The following SULT1C3 variants were observed in gnomAD, a reference collection of about 807,000 sequenced individuals.
SULT1C3 encodes sulfotransferase 1C3.
SULT1C3 carries 31 observed loss-of-function variants against 28.4 expected under a neutral mutation model. That is an observed-to-expected ratio of 1.09 (90% confidence interval 0.82 to 1.47). The LOEUF (loss-of-function observed/expected upper bound fraction) is 1.47, where lower values mean the gene tolerates loss of function less well. Among genes scored for constraint, SULT1C3 ranks in the 40% most tolerant of loss-of-function variants. SULT1C3 has a pLI of 0.00. For missense variants in SULT1C3, 307 were observed against 272.5 expected, an observed-to-expected ratio of 1.13 and a Z score of -0.89; for synonymous variants, 106 against 92.2, an observed-to-expected ratio of 1.15 and a Z score of -0.86.
rs1255351622 is a variant in SULT1C3 at position 108,252,372 on chromosome 2, A to G, written c.180A>G (p.Thr60=). 34 of 1,609,474 alleles carry G rather than the reference A, an allele frequency of 2.1e-5. No individual in the cohort carries two copies. In the East Asian group the frequency reaches 7.4e-4, roughly 35 times the overall value. The change falls in exon 3 of 8, where the codon ACA becomes ACG. Residue 60 remains threonine, a synonymous_variant. Coordinates refer to ENST00000681802, the MANE Select transcript of SULT1C3 (RefSeq NM_001320878.2). The stretch of plus-strand genomic sequence containing the variant: ...TATTTCAAATATTTTCAGGTACAAC[A>G]TGGATGCATGAAATTTTAGACATGA... ...ILATYPKSGT[T]WMHEILDMIL... is the part of the protein sequence containing the mutation.
At chr2:108,240,429 C>T (rs1310573688) in intron 1 of SULT1C3, among the ~76,000 whole-genome samples, 2 of 152,148 alleles carry the variant, frequency 1.3e-5, no homozygotes, top group Admixed American at 6.5e-5. Flanking sequence ...TAGCAATTCC[C>T]ATAAGTGTGG....
chr2:108,249,203 C>T (rs1160317759), intron 2 of SULT1C3, among the ~76,000 whole-genome samples: 2 of 151,880 alleles, frequency 1.3e-5, no homozygotes, highest in Non-Finnish European at 1.5e-5. Flanking sequence ...AAACTATGAC[C>T]GAATATTCAG....
In SULT1C3 at chr2:108,257,911, A is replaced by G. The variant is rs188316100; in HGVS notation, c.527-823A>G. Among the ~76,000 whole-genome samples, 68 of 152,188 alleles carry G rather than the reference A, an allele frequency of 4.5e-4. 4 individuals carry two copies. The East Asian group carries it at 6.4e-3, about 14-fold the overall frequency. On this transcript the variant is annotated intron_variant, in intron 5 of 7. Coordinates refer to ENST00000681802, the MANE Select transcript of SULT1C3 (RefSeq NM_001320878.2). Reference sequence around the variant, plus strand: ...CTGGCTGACACAGATACCAGTCACCATGACACATGCCAAAGTTCAAGTCAC... The same window carrying G: ...CTGGCTGACACAGATACCAGTCACCGTGACACATGCCAAAGTTCAAGTCAC...
chr2:108,241,019 G>T (rs1353085737), intron 1 of SULT1C3, among the ~76,000 whole-genome samples: 2 of 152,210 alleles, frequency 1.3e-5, no homozygotes, highest in Admixed American at 6.5e-5. Flanking sequence ...TATCCTCCAT[G>T]AGTTGTGTGA....
chr2:108,244,882 G>A (rs143910388), intron 1 of SULT1C3, among the ~76,000 whole-genome samples: 101 of 152,128 alleles, frequency 6.6e-4, no homozygotes, highest in Middle Eastern at 3.4e-3. Flanking sequence ...ACTTGCAAAG[G>A]TCTAGTACAA....
At chr2:108,246,495 T>C (rs1675580152) in intron 1 of SULT1C3, among the ~76,000 whole-genome samples, 1 of 152,068 alleles carries the variant, frequency 6.6e-6, no homozygotes, top group Non-Finnish European at 1.5e-5. Flanking sequence ...CTCCCCCTTA[T>C]AATGGGTGGG....
Position 108,247,161 on chromosome 2 carries a change from A to C in SULT1C3, c.-7-27A>C, listed in dbSNP as rs769768045. ...ATAAAACAACATTTTTAAAAATTTTAATTAGTATTGATCTTACCCATCCCA... is the reference window on the plus strand; with the variant it reads ...ATAAAACAACATTTTTAAAAATTTTCATTAGTATTGATCTTACCCATCCCA... On this transcript the variant is annotated intron_variant, in intron 1 of 7. Coordinates refer to ENST00000681802, the MANE Select transcript of SULT1C3 (RefSeq NM_001320878.2). The C allele has an allele frequency of 2.1e-6, 3 of 1,401,920 alleles. No individual in the cohort carries two copies. The South Asian group carries it at 6.0e-5, about 28-fold the overall frequency. The allele number at this position is 1,401,920 out of a possible 1,614,324, so 86.8% of individuals were successfully genotyped here.
intron 2 of SULT1C3, among the ~76,000 whole-genome samples, chr2:108,250,031 G>GA (rs968250094): frequency 2.0e-5 from 3 of 151,760 alleles, no homozygotes; most frequent in Non-Finnish European, 4.4e-5. Context: ...ATAATTTGGG[G>GA]AAAAAAATGG....
At chr2:108,260,893 G>T (rs377250425), downstream of SULT1C3, among the ~76,000 whole-genome samples, 17 of 152,196 alleles carry the variant, frequency 1.1e-4, no homozygotes, top group African/African-American at 4.1e-4. Flanking sequence ...AGCAGAGTCC[G>T]CCTACATGAG....
At chr2:108,257,993 T>C (rs575421374) in intron 5 of SULT1C3, among the ~76,000 whole-genome samples, 3 of 152,192 alleles carry the variant, frequency 2.0e-5, no homozygotes, top group Admixed American at 2.0e-4. Flanking sequence ...ACACACTTGC[T>C]CACTTGGTCT....
rs1318508480 is a variant in SULT1C3, at chr2:108,253,461, T to A, written c.399+19T>A. ...CTGCAAGGTATAAAGAGGGGGCTTT[T>A]CAAACTTCTCTTAGCTTGGTGATAT... On this transcript the variant is annotated intron_variant, in intron 4 of 7. Coordinates refer to ENST00000681802, the MANE Select transcript of SULT1C3 (RefSeq NM_001320878.2). The A allele has an allele frequency of 3.0e-6, 4 of 1,332,652 alleles. No homozygotes were observed. Among genetic ancestry groups the A allele is most frequent in the Non-Finnish European group, 4.1e-6 (4 of 986,114 alleles). 82.6% of individuals were successfully genotyped at this position (1,332,652 alleles called of 1,614,324 possible). A position where few individuals can be genotyped will look rare whatever the true frequency, so the allele number is the denominator to read the frequency against.
chr2:108,251,834 T>A (rs575659369), intron 2 of SULT1C3, among the ~76,000 whole-genome samples: 1 of 152,162 alleles, frequency 6.6e-6, no homozygotes, highest in African/African-American at 2.4e-5. Flanking sequence ...AATAACATTA[T>A]GATACAATGG....
chr2:108,255,932 C>T (rs1348436578), intron 5 of SULT1C3, among the ~76,000 whole-genome samples: 3 of 152,008 alleles, frequency 2.0e-5, no homozygotes, highest in Admixed American at 6.6e-5. Flanking sequence ...AGCCCCAAAT[C>T]CTTGACTTGA....
At chr2:108,255,045 G>T (rs1675834940) in intron 4 of SULT1C3, among the ~76,000 whole-genome samples, 1 of 151,862 alleles carries the variant, frequency 6.6e-6, no homozygotes, top group Admixed American at 6.6e-5. Flanking sequence ...TTCTGTTGAA[G>T]GATAACACCT....
chr2:108,245,025 G>A (rs1172633108), intron 1 of SULT1C3, among the ~76,000 whole-genome samples: 1 of 152,172 alleles, frequency 6.6e-6, no homozygotes, highest in Non-Finnish European at 1.5e-5. Context: ...TCTAAAAACA[G>A]AAGTGAGAAT....
At chr2:108,258,520 A>G (rs914196842) in intron 5 of SULT1C3, among the ~76,000 whole-genome samples, 10 of 151,290 alleles carry the variant, frequency 6.6e-5, no homozygotes, top group Admixed American at 5.9e-4. Flanking sequence ...CACAAGACAT[A>G]GTCAATGTGT....
At chr2:108,249,024 A>T (rs1484516606) in intron 2 of SULT1C3, among the ~76,000 whole-genome samples, 1 of 152,164 alleles carries the variant, frequency 6.6e-6, no homozygotes, top group African/African-American at 2.4e-5. Context: ...CAAAACAGTT[A>T]TCTCAATACT....
intron 1 of SULT1C3, among the ~76,000 whole-genome samples, chr2:108,246,099 A>G (rs1644698104): frequency 6.6e-6 from 1 of 152,144 alleles, no homozygotes; most frequent in Admixed American, 6.5e-5. Context: ...CAAGATTCTC[A>G]TCTCCATCTG....
chr2:108,253,090 T>TC (rs2104388277), intron 3 of SULT1C3, among the ~76,000 whole-genome samples: 1 of 152,014 alleles, frequency 6.6e-6, no homozygotes, highest in South Asian at 2.1e-4. Flanking sequence ...TAACAAACAT[T>TC]CCCAGAATTA....
Sources: gnomAD v4.1 joint callset for allele counts (sites outside exome capture counted in the v4.1 genomes callset) on GRCh38, gnomAD v4.1.1 for gene constraint, MANE v1.5 for transcripts, NCBI Gene and HGNC (gene_info 2026-07-23, HGNC 2026-07-21) for gene names.